Variants in ROCK2 observed in about 807,000 individuals in gnomAD.
ROCK2 encodes the protein rho-associated protein kinase 2.
A neutral mutation model predicts 195.1 loss-of-function variants in ROCK2; 61 were observed. The ratio of observed to expected loss-of-function variants is 0.31; its 90% CI spans 0.25 to 0.39. ROCK2 has a LOEUF of 0.39. Among genes scored for constraint, ROCK2 ranks in the 10% least tolerant of loss-of-function variants. ROCK2 has a pLI of 1.00. For missense variants in ROCK2, 1,109 were observed against 1,637.4 expected, an observed-to-expected ratio of 0.68 and a Z score of 5.57; for synonymous variants, 504 against 545.5, an observed-to-expected ratio of 0.92 and a Z score of 1.06.
intron 1 of ROCK2, among the ~76,000 whole-genome samples, chr2:11,297,235 A>G (rs779912531): frequency 2.8e-4 from 43 of 152,132 alleles, no homozygotes; most frequent in Non-Finnish European, 4.7e-4. Flanking sequence ...TAATAATTCT[A>G]CTTAAGGGAA....
At chr2:11,186,639 T>G (rs1019835796) in intron 32 of ROCK2, among the ~76,000 whole-genome samples, 2 of 152,192 alleles carry the variant, frequency 1.3e-5, no homozygotes, top group Non-Finnish European at 2.9e-5. Flanking sequence ...GAGCACAGTG[T>G]ACATGGAGCT....
At chr2:11,248,708 C>CACAAAAAAAAA (rs1665713759) in intron 4 of ROCK2, among the ~76,000 whole-genome samples, 1 of 45,412 alleles carries the variant, frequency 2.2e-5, no homozygotes, top group Non-Finnish European at 3.4e-5. Flanking sequence ...GACTTCATCT[C>CACAAAAAAAAA]AAAAAAAAAA....
chr2:11,265,725 G>C (rs1437559930), intron 3 of ROCK2, among the ~76,000 whole-genome samples: 5 of 151,946 alleles, frequency 3.3e-5, no homozygotes, highest in Admixed American at 2.0e-4. Flanking sequence ...AAATTCCATA[G>C]TTTAAAATAA....
At chr2:11,193,187 A>C (rs536359800) in intron 30 of ROCK2, among the ~76,000 whole-genome samples, 1 of 152,288 alleles carries the variant, frequency 6.6e-6, no homozygotes, top group Admixed American at 6.5e-5. Flanking sequence ...TGAGAGAGAA[A>C]AGAAAGAGGA....
At chr2:11,231,411 C>G (rs939339367) in intron 5 of ROCK2, among the ~76,000 whole-genome samples, 1 of 152,020 alleles carries the variant, frequency 6.6e-6, no homozygotes, top group Non-Finnish European at 1.5e-5. Flanking sequence ...TTTCACCATA[C>G]TAGCGAGGCT....
At chr2:11,331,064 G>A (rs1035256051) in intron 1 of ROCK2, among the ~76,000 whole-genome samples, 107 of 148,130 alleles carry the variant, frequency 7.2e-4, no homozygotes, top group Non-Finnish European at 1.3e-3. Flanking sequence ...AGGAGAAGAA[G>A]AAGAAATAAT....
intron 3 of ROCK2, among the ~76,000 whole-genome samples, chr2:11,281,635 G>A (rs1006684335): frequency 6.6e-6 from 1 of 152,066 alleles, no homozygotes; most frequent in African/African-American, 2.4e-5. Context: ...CTCTATATGA[G>A]CAATGAAAAA....
intron 1 of ROCK2, among the ~76,000 whole-genome samples, chr2:11,317,234 T>A (rs1038124520): frequency 3.3e-5 from 5 of 151,884 alleles, no homozygotes; most frequent in African/African-American, 1.2e-4. Context: ...ATAAATTTAG[T>A]CACTTTTACA....
At chr2:11,292,579 AAATAAC>A (rs1341477842) in intron 1 of ROCK2, among the ~76,000 whole-genome samples, 1 of 152,220 alleles carries the variant, frequency 6.6e-6, no homozygotes, top group African/African-American at 2.4e-5. Flanking sequence ...AAAGAATACT[AAATAAC>A]AAACAAGTTT....
At chr2:11,332,388 A>T (rs1360704586) in intron 1 of ROCK2, among the ~76,000 whole-genome samples, 1 of 152,136 alleles carries the variant, frequency 6.6e-6, no homozygotes, top group Non-Finnish European at 1.5e-5. Context: ...TACAAAATAA[A>T]ACTCCTTCAC....
rs749960241 is a variant in ROCK2 at position 11,259,784 on chromosome 2, GGATT to G, written c.325-9990_325-9987del. On this transcript the variant is annotated intron_variant, in intron 3 of 32. Transcript: ENST00000315872. ...TAAAAAAAATTTTTTGAAATTTGAA[GGATT>G]GATATACAGTAACTGTATATAACAA... is the stretch of plus-strand genomic sequence containing the variant. Among the ~76,000 whole-genome samples the G allele has an allele frequency of 1.2e-3, 179 of 151,354 alleles. 2 individuals are homozygous for G. Among genetic ancestry groups the G allele is most frequent in the Non-Finnish European group, 2.2e-3 (148 of 68,016 alleles).
At position 11,179,886 on chromosome 2, in the gene ROCK2, G is replaced by T. The variant is rs950165465; in HGVS notation, c.*3551C>A. The stretch of plus-strand genomic sequence containing the variant: ...AGAAAAAGGGGTGCAATTTTTTTCA[G>T]AGAGGACAGCTGATCAAATATTTAT... On this transcript the variant is annotated 3_prime_UTR_variant, in exon 33 of 33. Transcript: ENST00000315872. The T allele has an allele frequency of 1.1e-4, 17 of 152,018 alleles. No individual in the cohort carries two copies. The highest frequency in any genetic ancestry group is 3.9e-4 in the African/African-American group (16 of 41,378). 9.4% of individuals were successfully genotyped at this position (152,018 alleles called of 1,614,324 possible).
In ROCK2 at chr2:11,207,902, G is replaced by T; in HGVS notation, c.2373C>A (p.Asn791Lys). The T allele has an allele frequency of 6.4e-7, 1 of 1,561,530 alleles. No homozygotes were observed. Among genetic ancestry groups the T allele is most frequent in the Non-Finnish European group, 8.7e-7 (1 of 1,156,068 alleles). The change falls in exon 20 of 33, where the codon AAC becomes AAA. Residue 791 changes from asparagine to lysine, a missense_variant. Physicochemically the swap from Asn to Lys is moderately conservative, Grantham distance 94 (BLOSUM62 0). Coordinates refer to ENST00000315872, the MANE Select transcript of ROCK2 (RefSeq NM_004850.5). ...TTTCTTGCTCTATTTTTAATGTCAGGTTTCTAACCTAAGAAATAAATTGTG... is the reference window on the plus strand; with the variant it reads ...TTTCTTGCTCTATTTTTAATGTCAGTTTTCTAACCTAAGAAATAAATTGTG... ...QKDVLNEDVR[N>K]LTLKIEQETQ...
chr2:11,343,509 T>C (rs1165965449), intron 1 of ROCK2, among the ~76,000 whole-genome samples: 1 of 152,188 alleles, frequency 6.6e-6, no homozygotes. Context: ...AAACTTTAGC[T>C]GTGTGTTCCA....
rs763070187 is a variant in ROCK2, at chr2:11,235,788, T to G, written c.637A>C (p.Arg213=). 26 of 1,614,042 alleles carry G rather than the reference T, an allele frequency of 1.6e-5. No homozygotes were observed. Among genetic ancestry groups the G allele is most frequent in the Non-Finnish European group, 2.1e-5 (25 of 1,179,948 alleles). ...AGCATGTTGTCAGGCTTCACATCTC[T>G]GTGTATTAAACCCATGGAGTGTATT... is the stretch of plus-strand genomic sequence containing the variant. ...DAIHSMGLIH[R]DVKPDNMLLD... The change falls in exon 5 of 33, where the codon AGA becomes CGA. Residue 213 remains arginine, a synonymous_variant. Transcript: ENST00000315872. This position sits in a 1 kb window ranked among gnomAD's most constrained non-coding sequence, Gnocchi z 4.2.
rs1211166788 is a variant in ROCK2, at chr2:11,201,697, CATT to C, written c.2620-287_2620-285del. Among the ~76,000 whole-genome samples the C allele has an allele frequency of 6.6e-6, 1 of 152,118 alleles. No individual in the cohort carries two copies. The highest frequency in any genetic ancestry group is 6.5e-5 in the Admixed American group (1 of 15,278). On this transcript the variant is annotated intron_variant, in intron 21 of 32. Coordinates refer to ENST00000315872, the MANE Select transcript of ROCK2 (RefSeq NM_004850.5). The surrounding 1 kb of genome is among the most constrained non-coding windows in gnomAD (Gnocchi z 4.6). ...AAATGAATAAGGAGGCAAGGAAAAACATTAACAATTTAGACAAAAAAATGTTAT... is the reference window on the plus strand; with the variant it reads ...AAATGAATAAGGAGGCAAGGAAAAACAACAATTTAGACAAAAAAATGTTAT...
chr2:11,342,271 T>C (rs1452201875), intron 1 of ROCK2, among the ~76,000 whole-genome samples: 2 of 152,222 alleles, frequency 1.3e-5, no homozygotes, highest in African/African-American at 4.8e-5. Context: ...ATGTGCCACC[T>C]TAATAAAAGT....
chr2:11,251,982 G>T (rs1291481947), intron 3 of ROCK2, among the ~76,000 whole-genome samples: 1 of 152,188 alleles, frequency 6.6e-6, no homozygotes, highest in East Asian at 1.9e-4. Context: ...ATGCCAGTTA[G>T]AATGGCAATC....
intron 3 of ROCK2, among the ~76,000 whole-genome samples, chr2:11,281,065 TTATTACAGG>T (rs1666985450): frequency 6.6e-6 from 1 of 152,142 alleles, no homozygotes; most frequent in Non-Finnish European, 1.5e-5. Flanking sequence ...CAAGTGGGAT[TTATTACAGG>T]TATACAAGAC....
Sources: allele counts gnomAD v4.1 joint callset (sites outside exome capture counted in the v4.1 genomes callset), GRCh38; gene constraint gnomAD v4.1.1; non-coding constraint Gnocchi (gnomAD v3.1); transcripts MANE v1.5; gene names NCBI Gene and HGNC (gene_info 2026-07-23, HGNC 2026-07-21).